The following CSMD1 variants were observed in gnomAD, a reference collection of about 807,000 sequenced individuals.
CSMD1 encodes CUB and Sushi multiple domains 1, also known as CUB and sushi domain-containing protein 1.
In CSMD1, 213 loss-of-function variants were observed where a neutral mutation model predicts 417.5. That is an observed-to-expected ratio of 0.51 (90% CI 0.46 to 0.57). The LOEUF (loss-of-function observed/expected upper bound fraction) is 0.57. Ranked by LOEUF, CSMD1 falls within the 20% of genes least tolerant of loss-of-function variation. The pLI is 0.00. For missense variants in CSMD1, 6,923 were observed against 4,529.7 expected (o/e 1.53, Z -15.17); for synonymous variants, 2,862 against 1,736.8 (o/e 1.65, Z -16.11).
chr8:4,241,175 C>T (rs567700102), intron 3 of CSMD1, among the ~76,000 whole-genome samples: 4 of 152,238 alleles, frequency 2.6e-5, no homozygotes, highest in African/African-American at 4.8e-5. Flanking sequence ...AAATGAAATC[C>T]TGATCGTGAA....
At chr8:3,005,982 GC>G (rs1807858348) in intron 52 of CSMD1, among the ~76,000 whole-genome samples, 1 of 152,138 alleles carries the variant, frequency 6.6e-6, no homozygotes, top group Non-Finnish European at 1.5e-5. Context: ...AAGTCAAATT[GC>G]CCCTGTTGGC....
chr8:4,117,611 G>C (rs1032248006), intron 3 of CSMD1, among the ~76,000 whole-genome samples: 5 of 152,202 alleles, frequency 3.3e-5, no homozygotes, highest in Non-Finnish European at 5.9e-5. Flanking sequence ...AGGACTTCCA[G>C]TTAGAGAAAA....
At chr8:4,550,221 A>C (rs1476205602) in intron 2 of CSMD1, among the ~76,000 whole-genome samples, 3 of 151,870 alleles carry the variant, frequency 2.0e-5, no homozygotes, top group Admixed American at 1.3e-4. Flanking sequence ...TCTTGAAAGC[A>C]CATTTCTCAG....
chr8:3,164,024 C>T lies in CSMD1; in HGVS notation c.5726-1747G>A, dbSNP rs76288607. On this transcript the variant is annotated intron_variant, in intron 37 of 69. Transcript: ENST00000635120. ...CCTGTAAGAGATGTGTTCACCAGTGCCGACCCCAGATCTGCTGAGTCGGAG... is the reference window on the plus strand; with the variant it reads ...CCTGTAAGAGATGTGTTCACCAGTGTCGACCCCAGATCTGCTGAGTCGGAG... 4.5e-3 allele frequency among the ~76,000 whole-genome samples: 682 copies of T among 152,300 alleles called. 9 individuals are homozygous for T. Among genetic ancestry groups the T allele is most frequent in the African/African-American group, 0.016 (662 of 41,562 alleles).
intron 10 of CSMD1, among the ~76,000 whole-genome samples, chr8:3,566,221 A>G (rs987549837): frequency 1.3e-5 from 2 of 152,116 alleles, no homozygotes; most frequent in Non-Finnish European, 2.9e-5. Flanking sequence ...GAGAGGGAAG[A>G]GGAAGGGGAT....
At chr8:4,140,561 G>A (rs556424727) in intron 3 of CSMD1, among the ~76,000 whole-genome samples, 1 of 151,058 alleles carries the variant, frequency 6.6e-6, no homozygotes, top group East Asian at 1.9e-4. Flanking sequence ...TCAGCTACTA[G>A]GGAGGCTAAG....
chr8:3,832,844 G>T (rs1162278556), intron 5 of CSMD1, among the ~76,000 whole-genome samples: 1 of 152,164 alleles, frequency 6.6e-6, no homozygotes, highest in African/African-American at 2.4e-5. Flanking sequence ...TATGGTTATA[G>T]AAACACGTAG....
At chr8:4,481,590 C>G (rs982295427) in intron 2 of CSMD1, among the ~76,000 whole-genome samples, 1 of 152,154 alleles carries the variant, frequency 6.6e-6, no homozygotes, top group Non-Finnish European at 1.5e-5. Context: ...CACGTGTGAT[C>G]TCATCTAATC....
chr8:3,681,870 C>A (rs1201183774), intron 7 of CSMD1, among the ~76,000 whole-genome samples: 2 of 152,050 alleles, frequency 1.3e-5, no homozygotes, highest in Admixed American at 1.3e-4. Flanking sequence ...AGAACAGAGC[C>A]CTCAGAAATA....
chr8:3,728,608 G>A (rs979811691), intron 6 of CSMD1, among the ~76,000 whole-genome samples: 5 of 152,176 alleles, frequency 3.3e-5, no homozygotes, highest in African/African-American at 1.2e-4. Context: ...AAGAAAAAGG[G>A]CATCTGTGGT....
In CSMD1 at chr8:3,566,734, T is replaced by C. The variant is rs185691908; in HGVS notation, c.1344+8211A>G. Among the ~76,000 whole-genome samples, 10 of 152,274 alleles carry C rather than the reference T, an allele frequency of 6.6e-5. No homozygotes were observed. In the East Asian group the frequency reaches 1.9e-3, roughly 29 times the overall value. ...AAATCAAAACCACAATAAGATACCA[T>C]CTCACACCAGTTGGAATGGCTATTA... On this transcript the variant is annotated intron_variant, in intron 10 of 69. Coordinates refer to ENST00000635120, the MANE Select transcript of CSMD1 (RefSeq NM_033225.6).
At chr8:3,427,411 T>C (rs1216310161) in intron 12 of CSMD1, among the ~76,000 whole-genome samples, 1 of 152,174 alleles carries the variant, frequency 6.6e-6, no homozygotes, top group Non-Finnish European at 1.5e-5. Flanking sequence ...TAACTAATCA[T>C]AAAAATTTAA....
At chr8:4,023,753 A>ATTTTT (rs760333220) in intron 4 of CSMD1, among the ~76,000 whole-genome samples, 8 of 50,128 alleles carry the variant, frequency 1.6e-4, no homozygotes, top group Non-Finnish European at 2.4e-4. Flanking sequence ...CGCTCGGCTA[A>ATTTTT]TTTTTTTTTT....
chr8:4,466,821 T>C (rs1800200930), intron 2 of CSMD1, among the ~76,000 whole-genome samples: 1 of 152,028 alleles, frequency 6.6e-6, no homozygotes, highest in African/African-American at 2.4e-5. Context: ...CATTTAAAAT[T>C]TAAATTCAGA....
chr8:4,656,859 C>A (rs931516903), intron 1 of CSMD1, among the ~76,000 whole-genome samples: 2 of 152,018 alleles, frequency 1.3e-5, no homozygotes, highest in African/African-American at 4.8e-5. Flanking sequence ...GTGCAGAGAC[C>A]ACCAAATCAG....
At chr8:3,567,626 G>T (rs778193624) in intron 10 of CSMD1, among the ~76,000 whole-genome samples, 1 of 151,926 alleles carries the variant, frequency 6.6e-6, no homozygotes, top group Non-Finnish European at 1.5e-5. Context: ...CTATCATCTG[G>T]TATCAGCTCA....
At chr8:3,539,337 C>A (rs903904944) in intron 10 of CSMD1, among the ~76,000 whole-genome samples, 1 of 152,210 alleles carries the variant, frequency 6.6e-6, no homozygotes, top group South Asian at 2.1e-4. Flanking sequence ...TCTTTCTCTA[C>A]TCCTGGTTTT....
At chr8:4,813,813 C>G (rs1799047439) in intron 1 of CSMD1, among the ~76,000 whole-genome samples, 1 of 152,182 alleles carries the variant, frequency 6.6e-6, no homozygotes, top group Admixed American at 6.5e-5. Flanking sequence ...CATCGAATTT[C>G]ATCAGATACA....
intron 5 of CSMD1, among the ~76,000 whole-genome samples, chr8:3,938,622 G>C (rs979075840): frequency 6.6e-6 from 1 of 152,090 alleles, no homozygotes; most frequent in Non-Finnish European, 1.5e-5. Flanking sequence ...ATAAGGGCTA[G>C]GCTGCCCCAG....
Sources: allele counts gnomAD v4.1 joint callset (sites outside exome capture counted in the v4.1 genomes callset), GRCh38; gene constraint gnomAD v4.1.1; transcripts MANE v1.5; gene names NCBI Gene and HGNC (gene_info 2026-07-23, HGNC 2026-07-21).